Variants in RBFOX1 observed in about 807,000 individuals in gnomAD.
RBFOX1 encodes the protein RNA binding protein fox-1 homolog 1.
RBFOX1 carries 8 observed loss-of-function variants against 57.7 expected under a neutral mutation model. The ratio of observed to expected loss-of-function variants is 0.14; its 90% CI spans 0.08 to 0.25. RBFOX1 has a LOEUF of 0.25. Among genes scored for constraint, RBFOX1 ranks in the 10% least tolerant of loss-of-function variants. The pLI is 1.00. For synonymous variants in RBFOX1, 326 were observed against 222.4 expected, an observed-to-expected ratio of 1.47 and a Z score of -4.15; for missense variants, 611 against 548.5, an observed-to-expected ratio of 1.11 and a Z score of -1.14.
At chr16:6,727,008 C>G (rs1355569056) in intron 3 of RBFOX1, among the ~76,000 whole-genome samples, 2 of 147,400 alleles carry the variant, frequency 1.4e-5, no homozygotes, top group Admixed American at 6.8e-5. Context: ...GAAATAATGA[C>G]ATACGATGAG....
chr16:6,514,802 G>A (rs1003715783), intron 2 of RBFOX1, among the ~76,000 whole-genome samples: 1 of 152,036 alleles, frequency 6.6e-6, no homozygotes, highest in African/African-American at 2.4e-5. Context: ...GAAAAATGGT[G>A]TCTCCTGAAG....
intron 1 of RBFOX1, among the ~76,000 whole-genome samples, chr16:5,451,541 A>T (rs1471628512): frequency 6.6e-6 from 1 of 152,248 alleles, no homozygotes; most frequent in Non-Finnish European, 1.5e-5. Context: ...CAAAGATGGA[A>T]GGAACTCCAC....
At chr16:5,794,319 C>T (rs2054802200) in intron 3 of RBFOX1, among the ~76,000 whole-genome samples, 1 of 151,560 alleles carries the variant, frequency 6.6e-6, no homozygotes, top group East Asian at 2.0e-4. Context: ...CCTTCACCTC[C>T]TTTTTTTCCT....
At chr16:6,893,113 C>G (rs759571756) in intron 3 of RBFOX1, among the ~76,000 whole-genome samples, 8 of 152,152 alleles carry the variant, frequency 5.3e-5, no homozygotes, top group Non-Finnish European at 1.0e-4. Context: ...ATTCCATTCA[C>G]AGGAGCTCAC....
chr16:5,660,834 C>T (rs1251418225), intron 3 of RBFOX1, among the ~76,000 whole-genome samples: 2 of 152,086 alleles, frequency 1.3e-5, no homozygotes, highest in Non-Finnish European at 2.9e-5. Context: ...GAAGAGATTC[C>T]TGTCATGGAG....
intron 1 of RBFOX1, among the ~76,000 whole-genome samples, chr16:6,169,884 C>G (rs1163853675): frequency 6.6e-6 from 1 of 152,144 alleles, no homozygotes; most frequent in East Asian, 1.9e-4. Flanking sequence ...CTGGCCTCAG[C>G]CTCCCAAGTA....
At chr16:7,201,999 G>A (rs1341729083) in intron 4 of RBFOX1, among the ~76,000 whole-genome samples, 1 of 152,146 alleles carries the variant, frequency 6.6e-6, no homozygotes, top group African/African-American at 2.4e-5. Flanking sequence ...GTGTTAGGAG[G>A]ATATGCATAA....
At chr16:7,365,742 C>A (rs1568437002) in intron 4 of RBFOX1, among the ~76,000 whole-genome samples, 1 of 152,154 alleles carries the variant, frequency 6.6e-6, no homozygotes, top group Non-Finnish European at 1.5e-5. Context: ...GATAGAGAAA[C>A]CCTGTTTTAG....
At chr16:6,683,835 T>G (rs2059030972) in intron 3 of RBFOX1, among the ~76,000 whole-genome samples, 1 of 152,206 alleles carries the variant, frequency 6.6e-6, no homozygotes, top group South Asian at 2.1e-4. Context: ...CTTCATGGGT[T>G]TTGTAACTTT....
chr16:5,678,427 A>C (rs1005449688), intron 3 of RBFOX1, among the ~76,000 whole-genome samples: 1 of 152,214 alleles, frequency 6.6e-6, no homozygotes, highest in Non-Finnish European at 1.5e-5. Flanking sequence ...ATTGTTCTTA[A>C]ACAAGAACCC....
intron 3 of RBFOX1, among the ~76,000 whole-genome samples, chr16:6,735,434 T>C (rs775204325): frequency 1.3e-5 from 2 of 152,194 alleles, no homozygotes; most frequent in Admixed American, 6.6e-5. Context: ...TAGATATTTT[T>C]CTGTCTTAGT....
At chr16:6,868,230 G>C (rs2060268047) in intron 3 of RBFOX1, among the ~76,000 whole-genome samples, 1 of 152,132 alleles carries the variant, frequency 6.6e-6, no homozygotes, top group Admixed American at 6.5e-5. Context: ...TATAGAAACA[G>C]AAATACTTCG....
At chr16:7,648,036 C>A (rs2064107026) in intron 11 of RBFOX1, among the ~76,000 whole-genome samples, 1 of 152,112 alleles carries the variant, frequency 6.6e-6, no homozygotes, top group Non-Finnish European at 1.5e-5. Context: ...TACAGACCAC[C>A]ACACCTGTAG....
intron 4 of RBFOX1, among the ~76,000 whole-genome samples, chr16:7,098,761 G>A (rs1426904913): frequency 6.6e-6 from 1 of 151,964 alleles, no homozygotes; most frequent in Non-Finnish European, 1.5e-5. Context: ...ACCAGCCTGG[G>A]CAACATAGTG....
rs554450870 is a variant in RBFOX1 at position 6,024,236 on chromosome 16, C to A, written c.-127+4244C>A. ...TATTTGGAATGTACCACATGTTAGA[C>A]CCTGTGCTTGGTGAATAAGGCAGAC... On this transcript the variant is annotated intron_variant, in intron 1 of 15. Transcript: ENST00000550418. Among the ~76,000 whole-genome samples, 3 of 152,266 alleles carry A rather than the reference C, an allele frequency of 2.0e-5. No homozygotes were observed. In the South Asian group the frequency reaches 6.2e-4, roughly 32 times the overall value.
chr16:7,461,730 C>T (rs1380599529), intron 4 of RBFOX1, among the ~76,000 whole-genome samples: 1 of 152,158 alleles, frequency 6.6e-6, no homozygotes, highest in Non-Finnish European at 1.5e-5. Context: ...CAGGAGAAAG[C>T]TGGGGCTCAC....
intron 4 of RBFOX1, among the ~76,000 whole-genome samples, chr16:7,151,371 C>A (rs1030910716): frequency 7.9e-5 from 12 of 152,112 alleles, no homozygotes; most frequent in African/African-American, 1.4e-4. Context: ...GAAATTAGGA[C>A]TGCAAAAGAT....
chr16:6,424,632 C>T (rs1015686094), intron 2 of RBFOX1, among the ~76,000 whole-genome samples: 8 of 4,266 alleles, frequency 1.9e-3, no homozygotes, highest in East Asian at 8.3e-3. Flanking sequence ...TGTGTGTGAA[C>T]GTGGGGAGAT....
chr16:6,450,837 GTGTATATATATATATATA>G (rs796639207), intron 2 of RBFOX1, among the ~76,000 whole-genome samples: 308 of 21,622 alleles, frequency 0.014, 43 homozygotes, highest in African/African-American at 0.026. Flanking sequence ...ATATATATAT[GTGTATATATATATATATA>G]TATATATATA....
Sources: allele counts gnomAD v4.1 joint callset (sites outside exome capture counted in the v4.1 genomes callset), GRCh38; gene constraint gnomAD v4.1.1; transcripts MANE v1.5; gene names NCBI Gene and HGNC (gene_info 2026-07-23, HGNC 2026-07-21).